MKLN1: variants seen among roughly 807,000 people sequenced by gnomAD.
MKLN1 encodes the protein muskelin 1, also known as muskelin.
Under a neutral mutation model 99.0 loss-of-function variants are expected in MKLN1, and 18 were observed. That is an observed-to-expected ratio of 0.18 (90% confidence interval 0.13 to 0.27). The LOEUF is 0.27. Ranked by LOEUF, MKLN1 falls within the 10% of genes least tolerant of loss-of-function variation. The pLI, the probability that MKLN1 is intolerant of heterozygous loss-of-function variation, is 1.00. For missense variants in MKLN1, 621 were observed against 875.9 expected (o/e 0.71, Z 3.67); for synonymous variants, 288 against 293.2 (o/e 0.98, Z 0.18).
At chr7:131,249,455 A>T (rs946449739) in intron 3 of MKLN1, among the ~76,000 whole-genome samples, 1 of 152,238 alleles carries the variant, frequency 6.6e-6, no homozygotes, top group Non-Finnish European at 1.5e-5. Flanking sequence ...GTGTGGAGAC[A>T]TGTTTATTCC....
intron 2 of MKLN1, among the ~76,000 whole-genome samples, chr7:131,167,555 G>T (rs532527148): frequency 6.6e-6 from 1 of 151,458 alleles, no homozygotes; most frequent in African/African-American, 2.4e-5. Context: ...ATCTGTGGTC[G>T]CAGCTACTCA....
intron 13 of MKLN1, among the ~76,000 whole-genome samples, chr7:131,463,800 T>C (rs1796584817): frequency 6.6e-6 from 1 of 152,208 alleles, no homozygotes; most frequent in South Asian, 2.1e-4. Context: ...CACATTTTGC[T>C]TTGGGAAAAC....
intron 8 of MKLN1, among the ~76,000 whole-genome samples, chr7:131,415,828 A>T (rs977121974): frequency 6.6e-6 from 1 of 152,206 alleles, no homozygotes; most frequent in Non-Finnish European, 1.5e-5. Flanking sequence ...ATGAATATAG[A>T]CATGAAAATT....
At chr7:131,115,663 C>T (rs1002237156) in intron 1 of MKLN1, among the ~76,000 whole-genome samples, 2 of 152,204 alleles carry the variant, frequency 1.3e-5, no homozygotes, top group African/African-American at 4.8e-5. Context: ...ACCACCTCTT[C>T]AACCTCATCT....
At chr7:131,184,477 T>G (rs931790607) in intron 2 of MKLN1, among the ~76,000 whole-genome samples, 2 of 152,174 alleles carry the variant, frequency 1.3e-5, no homozygotes, top group African/African-American at 4.8e-5. Context: ...GCATGTTGCT[T>G]GCAAGGCCCC....
At chr7:131,476,467 GAAAA>G (rs879611778) in intron 16 of MKLN1, among the ~76,000 whole-genome samples, 5 of 149,416 alleles carry the variant, frequency 3.3e-5, no homozygotes, top group African/African-American at 1.2e-4. Flanking sequence ...AAGGTCAATA[GAAAA>G]AAAAAGCAAT....
At chr7:131,118,152 C>T (rs1795307026) in intron 1 of MKLN1, among the ~76,000 whole-genome samples, 1 of 152,190 alleles carries the variant, frequency 6.6e-6, no homozygotes, top group South Asian at 2.1e-4. Flanking sequence ...TCTGGGACCT[C>T]TGCCTTTTCT....
intron 1 of MKLN1, among the ~76,000 whole-genome samples, chr7:131,118,974 C>T (rs543505526): frequency 3.3e-5 from 5 of 152,192 alleles, no homozygotes; most frequent in Non-Finnish European, 7.3e-5. Context: ...ATGTCCTTCT[C>T]ACATTTCAAA....
chr7:131,376,096 AT>A (rs1224046535), intron 2 of MKLN1, among the ~76,000 whole-genome samples: 1 of 740 alleles, frequency 1.4e-3, no homozygotes, highest in African/African-American at 2.5e-3. Context: ...ATTCATGGAA[AT>A]ATATATATAT....
At chr7:131,115,724 A>G (rs1174527109) in intron 1 of MKLN1, among the ~76,000 whole-genome samples, 1 of 151,880 alleles carries the variant, frequency 6.6e-6, no homozygotes, top group Non-Finnish European at 1.5e-5. Context: ...CTCTTCCTCA[A>G]ACTTGTTGAA....
Position 131,322,862 on chromosome 7 carries a change from G to A in MKLN1, c.-178-52562G>A, listed in dbSNP as rs545131613. On this transcript the variant is annotated intron_variant, in intron 3 of 7. Transcript: ENST00000416992. Reference sequence around the variant, plus strand: ...TGGGATTACAGGCGTGAGCCACCGCGCCCGGCCACTGCCAAACACTTTTAA... The same window carrying A: ...TGGGATTACAGGCGTGAGCCACCGCACCCGGCCACTGCCAAACACTTTTAA... Among the ~76,000 whole-genome samples, 42 of 152,220 alleles carry A rather than the reference G, an allele frequency of 2.8e-4. No individual in the cohort carries two copies. In the South Asian group the frequency reaches 8.3e-3, roughly 30 times the overall value.
intron 2 of MKLN1, among the ~76,000 whole-genome samples, chr7:131,378,399 A>G (rs951210341): frequency 5.3e-5 from 8 of 152,344 alleles, no homozygotes; most frequent in African/African-American, 1.2e-4. Flanking sequence ...GGCGTGAACC[A>G]TCATGCCTGG....
chr7:131,292,174 T>C (rs1798229278), intron 3 of MKLN1, among the ~76,000 whole-genome samples: 1 of 152,158 alleles, frequency 6.6e-6, no homozygotes, highest in African/African-American at 2.4e-5. Flanking sequence ...AAGTTGATCA[T>C]GAAAATGTTG....
chr7:131,337,551 CTCTTTT>C (rs1799284986), intron 1 of MKLN1, among the ~76,000 whole-genome samples: 1 of 151,904 alleles, frequency 6.6e-6, no homozygotes, highest in African/African-American at 2.4e-5. Flanking sequence ...ATTTCATCCT[CTCTTTT>C]TAAGATAGAT....
intron 2 of MKLN1, among the ~76,000 whole-genome samples, chr7:131,378,448 A>G (rs1793733487): frequency 6.6e-6 from 1 of 152,174 alleles, no homozygotes; most frequent in South Asian, 2.1e-4. Flanking sequence ...TTATGTAGCA[A>G]AGAGTCTTGC....
At chr7:131,470,179 T>G (rs746320519) in intron 15 of MKLN1, among the ~76,000 whole-genome samples, 14 of 152,218 alleles carry the variant, frequency 9.2e-5, no homozygotes, top group Admixed American at 2.6e-4. Flanking sequence ...TTTGTTTTTT[T>G]TGTGTGATAA....
intron 3 of MKLN1, among the ~76,000 whole-genome samples, chr7:131,206,734 T>A (rs1796817667): frequency 6.6e-6 from 1 of 151,996 alleles, no homozygotes; most frequent in South Asian, 2.1e-4. Context: ...TTTGTTTATT[T>A]TTTTAGAGAT....
intron 3 of MKLN1, among the ~76,000 whole-genome samples, chr7:131,251,856 G>C (rs1214677832): frequency 6.6e-6 from 1 of 150,756 alleles, no homozygotes; most frequent in Non-Finnish European, 1.5e-5. Context: ...TTTTTGTAGA[G>C]ATGTTTGTAG....
At position 131,307,562 on chromosome 7, in the gene MKLN1, G is replaced by A. The variant is rs150117607; in HGVS notation, c.-178-67862G>A. ...CTAAGGCCTTGGGAGCCTACCTCTT[G>A]CATCAGCATGCTCTGGATGTGAGAC... On this transcript the variant is annotated intron_variant, in intron 3 of 7. Coordinates refer to the MKLN1 transcript ENST00000416992. Among the ~76,000 whole-genome samples the A allele has an allele frequency of 8.6e-3, 1,312 of 152,318 alleles. 17 individuals are homozygous for A. The highest frequency in any genetic ancestry group is 0.041 in the Middle Eastern group (12 of 294).
Sources: gnomAD v4.1 joint callset for allele counts (sites outside exome capture counted in the v4.1 genomes callset) on GRCh38, gnomAD v4.1.1 for gene constraint, MANE v1.5 for transcripts, NCBI Gene and HGNC (gene_info 2026-07-23, HGNC 2026-07-21) for gene names.